The following ERBB4 variants were observed in gnomAD, a reference collection of about 807,000 sequenced individuals.
The protein encoded by ERBB4 is erb-b2 receptor tyrosine kinase 4, also known as receptor tyrosine-protein kinase erbB-4.
ERBB4 carries 42 observed loss-of-function variants against 158.0 expected under a neutral mutation model. The ratio of observed to expected loss-of-function variants is 0.27; its 90% CI spans 0.21 to 0.34. The LOEUF is 0.34. ERBB4 is among the 10% of genes least tolerant of loss of function. The pLI is 1.00. For missense variants in ERBB4, 1,333 were observed against 1,624.1 expected (o/e 0.82, Z 3.08); for synonymous variants, 583 against 558.7 (o/e 1.04, Z -0.61).
At position 211,383,754 on chromosome 2, in the gene ERBB4, C is replaced by T. The variant is rs887046912; in HGVS notation, c.3788G>A (p.Ser1263Asn). 4 of 1,614,088 alleles carry T rather than the reference C, an allele frequency of 2.5e-6. No individual in the cohort carries two copies. Among genetic ancestry groups the T allele is most frequent in the Non-Finnish European group, 3.4e-6 (4 of 1,180,008 alleles). ...LQHPDYLQEY[S>N]TKYFYKQNGR... Reference sequence around the variant, plus strand: ...ATTCTGTTTATAAAAATATTTTGTGCTGTACTCCTGCAGGTAGTCTGGGTG... The same window carrying T: ...ATTCTGTTTATAAAAATATTTTGTGTTGTACTCCTGCAGGTAGTCTGGGTG... The change falls in exon 28 of 28, where the codon AGC becomes AAC. Residue 1263 changes from serine (S) to asparagine (N), a missense_variant. This residue lies in a region of ERBB4 where 84 missense variants were observed against 110.8 expected (regional missense o/e 0.76). Coordinates refer to ENST00000342788, the MANE Select transcript of ERBB4 (RefSeq NM_005235.3).
chr2:211,711,567 A>G (rs917455626), intron 9 of ERBB4, among the ~76,000 whole-genome samples: 2 of 152,296 alleles, frequency 1.3e-5, no homozygotes, highest in South Asian at 4.1e-4. Context: ...TAAGGGAAAC[A>G]AGACGAAAAT....
chr2:212,130,953 T>C (rs1023467192), intron 1 of ERBB4, among the ~76,000 whole-genome samples: 22 of 152,198 alleles, frequency 1.4e-4, no homozygotes, highest in African/African-American at 5.1e-4. Flanking sequence ...TACTTTCCTT[T>C]TCAGAAATGT....
intron 19 of ERBB4, among the ~76,000 whole-genome samples, chr2:211,604,446 A>C (rs1219242798): frequency 6.6e-6 from 1 of 152,098 alleles, no homozygotes; most frequent in Non-Finnish European, 1.5e-5. Flanking sequence ...AACCCAAATG[A>C]TAAATATCAC....
intron 1 of ERBB4, among the ~76,000 whole-genome samples, chr2:212,460,024 G>A (rs1459159715): frequency 6.6e-6 from 1 of 152,088 alleles, no homozygotes; most frequent in African/African-American, 2.4e-5. Context: ...TTCTCATGCT[G>A]TTCTGATACT....
chr2:212,184,600 C>T (rs549972367), intron 1 of ERBB4, among the ~76,000 whole-genome samples: 4 of 152,006 alleles, frequency 2.6e-5, no homozygotes, highest in Non-Finnish European at 5.9e-5. Flanking sequence ...TCACTAAGAG[C>T]TCAATAGATT....
At position 211,531,314 on chromosome 2, in the gene ERBB4, T is replaced by G. The variant is rs374833581; in HGVS notation, c.2487+30589A>C. On this transcript the variant is annotated intron_variant, in intron 20 of 27. Coordinates refer to ENST00000342788, the MANE Select transcript of ERBB4 (RefSeq NM_005235.3). ...GGTAACCAGAGCAAAAAAGGACACA[T>G]GGGATCACATGAAGTTAAAAAGCTT... Among the ~76,000 whole-genome samples, 441 of 152,088 alleles carry G rather than the reference T, an allele frequency of 2.9e-3. 3 individuals carry two copies. Among genetic ancestry groups the G allele is most frequent in the African/African-American group, 9.9e-3 (411 of 41,494 alleles).
intron 25 of ERBB4, among the ~76,000 whole-genome samples, chr2:211,402,202 T>A (rs763889669): frequency 1.8e-4 from 28 of 152,020 alleles, no homozygotes; most frequent in Non-Finnish European, 3.5e-4. Context: ...ATCAGTGTTG[T>A]CTTTTAGGGT....
intron 3 of ERBB4, among the ~76,000 whole-genome samples, chr2:211,944,559 GC>G (rs2080624457): frequency 1.3e-5 from 2 of 152,062 alleles, no homozygotes; most frequent in South Asian, 4.2e-4. Flanking sequence ...TGTCATGAAA[GC>G]AAAACCTTAT....
intron 1 of ERBB4, among the ~76,000 whole-genome samples, chr2:212,268,465 T>C (rs978843030): frequency 6.6e-6 from 1 of 151,910 alleles, no homozygotes; most frequent in African/African-American, 2.4e-5. Context: ...TATCTATGTA[T>C]TAGCATTTCT....
intron 18 of ERBB4, among the ~76,000 whole-genome samples, chr2:211,620,418 T>G (rs2069555352): frequency 1.3e-5 from 2 of 152,218 alleles, no homozygotes; most frequent in Admixed American, 6.5e-5. Flanking sequence ...ACTTTGAACT[T>G]TTATGCTACA....
chr2:212,159,270 T>TCG (rs2081133677), intron 1 of ERBB4, among the ~76,000 whole-genome samples: 4 of 149,964 alleles, frequency 2.7e-5, no homozygotes, highest in Non-Finnish European at 5.9e-5. Flanking sequence ...TTTTGTTTTT[T>TCG]TTTTTTTTTT....
At chr2:211,595,361 A>G (rs1274813585) in intron 19 of ERBB4, among the ~76,000 whole-genome samples, 1 of 152,198 alleles carries the variant, frequency 6.6e-6, no homozygotes, top group Non-Finnish European at 1.5e-5. Context: ...CTTGAAAAAC[A>G]GATGTACTAG....
At chr2:211,448,909 T>C (rs901746026) in intron 20 of ERBB4, among the ~76,000 whole-genome samples, 4 of 152,170 alleles carry the variant, frequency 2.6e-5, no homozygotes, top group Non-Finnish European at 5.9e-5. Flanking sequence ...ATTTAAAATC[T>C]CTTTGGGTAA....
chr2:212,369,816 A>AAAT (rs565872910), intron 1 of ERBB4, among the ~76,000 whole-genome samples: 3,765 of 152,134 alleles, frequency 0.025, 169 homozygotes, highest in African/African-American at 0.085. Context: ...CCTCAGCCTC[A>AAAT]CAATAGCTAG....
At chr2:211,691,697 C>CATT (rs746307045) in intron 12 of ERBB4, among the ~76,000 whole-genome samples, 1 of 151,308 alleles carries the variant, frequency 6.6e-6, no homozygotes, top group African/African-American at 2.4e-5. Context: ...GAAGAAGGGA[C>CATT]ATTAAAGCTG....
At position 211,440,013 on chromosome 2, in the gene ERBB4, C is replaced by T. The variant is rs542164754; in HGVS notation, c.2488-8913G>A. The stretch of plus-strand genomic sequence containing the variant: ...AAACATCCATTTGAAGAACAGCCTC[C>T]TTGGGGCTTGAAAGCCTTCTTAAGA... On this transcript the variant is annotated intron_variant, in intron 20 of 27. Transcript: ENST00000342788. Among the ~76,000 whole-genome samples the T allele has an allele frequency of 1.4e-4, 22 of 152,186 alleles. No homozygotes were observed. The East Asian group carries it at 3.3e-3, about 23-fold the overall frequency.
At chr2:211,562,714 A>G (rs1346580850) in intron 19 of ERBB4, among the ~76,000 whole-genome samples, 2 of 151,262 alleles carry the variant, frequency 1.3e-5, no homozygotes, top group East Asian at 1.9e-4. Flanking sequence ...GTGATGTCTT[A>G]TTCATAGATT....
intron 16 of ERBB4, among the ~76,000 whole-genome samples, chr2:211,655,493 C>T (rs988407256): frequency 2.6e-5 from 4 of 152,050 alleles, no homozygotes; most frequent in East Asian, 1.9e-4. Flanking sequence ...AGGAACTTAC[C>T]CACAGTCACA....
intron 1 of ERBB4, among the ~76,000 whole-genome samples, chr2:212,262,633 C>T (rs753689571): frequency 1.6e-4 from 25 of 151,960 alleles, no homozygotes; most frequent in Admixed American, 4.6e-4. Context: ...TGGCTCTATA[C>T]AAAAGTGGCT....
Sources: gnomAD v4.1 joint callset for allele counts (sites outside exome capture counted in the v4.1 genomes callset) on GRCh38, gnomAD v4.1.1 for gene constraint, gnomAD v4.1.1 regional missense constraint, MANE v1.5 for transcripts, NCBI Gene and HGNC (gene_info 2026-07-23, HGNC 2026-07-21) for gene names.